SPATA6: variants seen among roughly 807,000 people sequenced by gnomAD.
SPATA6 encodes spermatogenesis-associated protein 6.
Under a neutral mutation model 65.3 loss-of-function variants are expected in SPATA6, and 56 were observed. The ratio of observed to expected loss-of-function variants is 0.86; its 90% CI spans 0.69 to 1.07. The LOEUF (loss-of-function observed/expected upper bound fraction) is 1.07, where lower values mean the gene tolerates loss of function less well. SPATA6 is among the 50% of genes least tolerant of loss of function. SPATA6 has a pLI of 0.00. For synonymous variants in SPATA6, 199 were observed against 213.2 expected (o/e 0.93, Z 0.58); for missense variants, 590 against 594.8 (o/e 0.99, Z 0.08).
rs575668641 is a variant in SPATA6, at chr1:48,316,252, T to C, written c.1195-10374A>G. Among the ~76,000 whole-genome samples, 4 of 152,290 alleles carry C rather than the reference T, an allele frequency of 2.6e-5. No individual in the cohort carries two copies. In the South Asian group the frequency reaches 8.3e-4, roughly 32 times the overall value. ...CAATTCTAAGCCAAAAGAACAAAGC[T>C]GGAGGCATCACGCTACCTGACTTCA... is the stretch of plus-strand genomic sequence containing the variant. On this transcript the variant is annotated intron_variant, in intron 11 of 12. Transcript: ENST00000371847.
intron 3 of SPATA6, among the ~76,000 whole-genome samples, chr1:48,447,003 GGAT>G (rs1313607424): frequency 6.6e-6 from 1 of 151,930 alleles, no homozygotes; most frequent in Non-Finnish European, 1.5e-5. Flanking sequence ...GCTAACATGA[GGAT>G]GATGATGAAG....
chr1:48,380,165 C>T (rs1377109155), intron 9 of SPATA6, among the ~76,000 whole-genome samples: 1 of 152,232 alleles, frequency 6.6e-6, no homozygotes, highest in Admixed American at 6.5e-5. Context: ...TCCTACTTTT[C>T]TAGAAAATGT....
intron 3 of SPATA6, among the ~76,000 whole-genome samples, chr1:48,421,187 G>C (rs1653297315): frequency 6.6e-6 from 1 of 152,090 alleles, no homozygotes; most frequent in African/African-American, 2.4e-5. Context: ...GGCTAGAAGA[G>C]AGGCCTCTGA....
At chr1:48,324,054 A>G (rs1055459722) in intron 11 of SPATA6, among the ~76,000 whole-genome samples, 2 of 152,068 alleles carry the variant, frequency 1.3e-5, no homozygotes, top group African/African-American at 4.8e-5. Flanking sequence ...GGCTCAAGCA[A>G]TTCTCCCATC....
chr1:48,391,234 A>T (rs750055452), intron 8 of SPATA6, among the ~76,000 whole-genome samples: 4 of 150,102 alleles, frequency 2.7e-5, no homozygotes, highest in African/African-American at 4.9e-5. Flanking sequence ...TTAGTTGGGC[A>T]TGGTGGTGCA....
chr1:48,471,229 C>T (rs141628152), intron 1 of SPATA6, among the ~76,000 whole-genome samples: 17 of 152,246 alleles, frequency 1.1e-4, no homozygotes, highest in South Asian at 2.1e-4. Flanking sequence ...TCCTCTTGAG[C>T]AAGTCTGGAG....
chr1:48,288,484 G>A, the SPATA6 span, among the ~76,000 whole-genome samples: 1 of 152,186 alleles, frequency 6.6e-6, no homozygotes, highest in African/African-American at 2.4e-5. Flanking sequence ...ACTGGGGCTT[G>A]TCAAACACTG....
intron 12 of SPATA6, among the ~76,000 whole-genome samples, chr1:48,302,998 G>A (rs1408549932): frequency 1.3e-5 from 2 of 152,058 alleles, no homozygotes; most frequent in African/African-American, 4.8e-5. Flanking sequence ...GAGCAAAGCT[G>A]CCAGTATTTC....
chr1:48,447,539 A>G (rs1656176183), intron 3 of SPATA6, among the ~76,000 whole-genome samples: 1 of 152,112 alleles, frequency 6.6e-6, no homozygotes, highest in African/African-American at 2.4e-5. Context: ...AACATTATAC[A>G]TGAATTTTCG....
chr1:48,362,955 C>T (rs1646861902), intron 9 of SPATA6, among the ~76,000 whole-genome samples: 1 of 151,814 alleles, frequency 6.6e-6, no homozygotes, highest in Admixed American at 6.6e-5. Context: ...ATATAAAGTA[C>T]CAAACAAAGT....
intron 11 of SPATA6, among the ~76,000 whole-genome samples, chr1:48,326,513 A>G (rs951487003): frequency 2.7e-5 from 4 of 150,326 alleles, no homozygotes; most frequent in African/African-American, 9.8e-5. Flanking sequence ...CCTAAAGTTC[A>G]TATGAAACAA....
At chr1:48,308,633 G>C (rs1288975122) in intron 11 of SPATA6, among the ~76,000 whole-genome samples, 1 of 152,072 alleles carries the variant, frequency 6.6e-6, no homozygotes, top group Non-Finnish European at 1.5e-5. Context: ...TTGTAGTGCA[G>C]ATCTGCTAGT....
intron 11 of SPATA6, among the ~76,000 whole-genome samples, chr1:48,310,947 T>C (rs1645191483): frequency 6.6e-6 from 1 of 152,054 alleles, no homozygotes; most frequent in Admixed American, 6.6e-5. Flanking sequence ...AATAAATATG[T>C]AGAAATCAAA....
chr1:48,294,656 C>T (rs929428529), downstream of SPATA6, among the ~76,000 whole-genome samples: 2 of 152,208 alleles, frequency 1.3e-5, no homozygotes, highest in African/African-American at 2.4e-5. Context: ...TCCATCTCCA[C>T]TCTTGTAAAA....
chr1:48,302,838 C>T (rs1169916537), intron 12 of SPATA6, among the ~76,000 whole-genome samples: 1 of 151,970 alleles, frequency 6.6e-6, no homozygotes, highest in Non-Finnish European at 1.5e-5. Context: ...ACTGTCTGCC[C>T]CAACCAGTAT....
intron 9 of SPATA6, among the ~76,000 whole-genome samples, chr1:48,362,460 T>C (rs1219575962): frequency 2.0e-5 from 3 of 152,158 alleles, no homozygotes; most frequent in Non-Finnish European, 2.9e-5. Context: ...CATTGCTTTA[T>C]ATAAAGCCTT....
At chr1:48,408,507 A>G (rs1177909360) in intron 5 of SPATA6, among the ~76,000 whole-genome samples, 2 of 152,216 alleles carry the variant, frequency 1.3e-5, no homozygotes, top group Non-Finnish European at 2.9e-5. Flanking sequence ...AACTCCTACT[A>G]ACAGACATAT....
Position 48,472,096 on chromosome 1 carries a change from G to A in SPATA6, c.-88C>T, listed in dbSNP as rs1469804358. On this transcript the variant is annotated 5_prime_UTR_variant, in exon 1 of 13. Transcript: ENST00000371847. ...TGGGGCTGGGCGGGGACGGGGAGGA[G>A]ACGAGGTGGCGGCGGCGGTGGCAGC... is the stretch of plus-strand genomic sequence containing the variant. 4 of 1,073,170 alleles carry A rather than the reference G, an allele frequency of 3.7e-6. No homozygotes were observed. Among genetic ancestry groups the A allele is most frequent in the African/African-American group, 1.7e-5 (1 of 60,048 alleles). The allele number at this position is 1,073,170 out of a possible 1,614,324, so 66.5% of individuals were successfully genotyped here.
At chr1:48,282,163 C>T in the SPATA6 span, among the ~76,000 whole-genome samples, 1 of 152,182 alleles carries the variant, frequency 6.6e-6, no homozygotes, top group Non-Finnish European at 1.5e-5. Context: ...CTCTTCCTTA[C>T]ACCTTTTACA....
Sources: allele counts gnomAD v4.1 joint callset (sites outside exome capture counted in the v4.1 genomes callset), GRCh38; gene constraint gnomAD v4.1.1; transcripts MANE v1.5; gene names NCBI Gene and HGNC (gene_info 2026-07-23, HGNC 2026-07-21).